SKIC2: variants seen among roughly 807,000 people sequenced by gnomAD.
SKIC2 encodes the protein superkiller complex protein 2.
At chr6:31,960,369 G>C in the SKIC2 span, 1 of 1,598,106 alleles carries the variant, frequency 6.3e-7, no homozygotes, top group South Asian at 1.1e-5. Flanking sequence ...GAAACAGTTG[G>C]GGAGAAGGGG....
the SKIC2 span, chr6:31,961,646 T>C: frequency 6.2e-7 from 1 of 1,612,932 alleles, no homozygotes; most frequent in Non-Finnish European, 8.5e-7. Flanking sequence ...TGGTGATTTC[T>C]ATCGCCTCAT....
chr6:31,967,092 A>G, the SKIC2 span: 5 of 1,612,876 alleles, frequency 3.1e-6, no homozygotes, highest in African/African-American at 6.7e-5. The surrounding 1 kb of genome is among the most constrained non-coding windows in gnomAD (Gnocchi z 4.9). Flanking sequence ...GACCTGCCTG[A>G]ATATTACAGC....
the SKIC2 span, chr6:31,963,761 C>A: frequency 6.5e-7 from 1 of 1,532,406 alleles, no homozygotes; most frequent in South Asian, 1.2e-5. This position sits in a 1 kb window ranked among gnomAD's most constrained non-coding sequence, Gnocchi z 5.3. Context: ...TTTGTACCTG[C>A]CAGCACCTGT....
chr6:31,964,032 T>C, the SKIC2 span: 2 of 1,612,694 alleles, frequency 1.2e-6, no homozygotes, highest in Non-Finnish European at 1.7e-6. This position sits in a 1 kb window ranked among gnomAD's most constrained non-coding sequence, Gnocchi z 5.0. Flanking sequence ...TCACCTCCCT[T>C]GACCTCACCA....
At chr6:31,968,986 C>T in the SKIC2 span, 1 of 1,612,910 alleles carries the variant, frequency 6.2e-7, no homozygotes, top group Non-Finnish European at 8.5e-7. This position sits in a 1 kb window ranked among gnomAD's most constrained non-coding sequence, Gnocchi z 6.1. Flanking sequence ...TTTGACAATG[C>T]ACTGAGCACC....
chr6:31,969,524 G>A, the SKIC2 span: 13 of 1,613,258 alleles, frequency 8.1e-6, no homozygotes, highest in Middle Eastern at 1.6e-4. This position sits in a 1 kb window ranked among gnomAD's most constrained non-coding sequence, Gnocchi z 6.1. Flanking sequence ...GCCCTTCTCC[G>A]AGTTGGCAGG....
At chr6:31,968,426 A>G in the SKIC2 span, 19 of 1,612,986 alleles carry the variant, frequency 1.2e-5, 1 homozygote, top group South Asian at 7.7e-5. The surrounding 1 kb of genome is among the most constrained non-coding windows in gnomAD (Gnocchi z 6.1). Context: ...GACCCTGTCA[A>G]TGACCTGCAG....
the SKIC2 span, chr6:31,967,684 C>A: frequency 3.2e-5 from 52 of 1,610,710 alleles, no homozygotes; most frequent in Admixed American, 3.0e-4. The surrounding 1 kb of genome is among the most constrained non-coding windows in gnomAD (Gnocchi z 4.9). Context: ...TCATCACACC[C>A]CCCTCTCCTG....
the SKIC2 span, chr6:31,966,887 G>A: frequency 6.2e-7 from 1 of 1,613,806 alleles, no homozygotes; most frequent in Admixed American, 1.7e-5. This position sits in a 1 kb window ranked among gnomAD's most constrained non-coding sequence, Gnocchi z 5.9. Flanking sequence ...GCAGGAGGTT[G>A]GCCAAAGACA....
the SKIC2 span, chr6:31,969,090 G>C: frequency 6.2e-7 from 1 of 1,609,614 alleles, no homozygotes; most frequent in Non-Finnish European, 8.5e-7. This position sits in a 1 kb window ranked among gnomAD's most constrained non-coding sequence, Gnocchi z 6.1. Flanking sequence ...CCTCAAGCAG[G>C]TAGGGGACAC....
the SKIC2 span, chr6:31,960,475 C>T: frequency 6.2e-7 from 1 of 1,614,208 alleles, no homozygotes; most frequent in Non-Finnish European, 8.5e-7. Context: ...ACCTCCTTGT[C>T]TCTTCGCCGG....
At chr6:31,967,998 T>C in the SKIC2 span, 4 of 1,613,088 alleles carry the variant, frequency 2.5e-6, no homozygotes, top group African/African-American at 4.0e-5. This position sits in a 1 kb window ranked among gnomAD's most constrained non-coding sequence, Gnocchi z 4.9. Flanking sequence ...CCAGGAGATA[T>C]GGCTGCCATC....
chr6:31,968,106 TCTC>T, the SKIC2 span: 2 of 1,612,112 alleles, frequency 1.2e-6, no homozygotes, highest in East Asian at 2.2e-5. The surrounding 1 kb of genome is among the most constrained non-coding windows in gnomAD (Gnocchi z 6.1). Flanking sequence ...GGGAGGCCCT[TCTC>T]CTCCAGAGGG....
the SKIC2 span, chr6:31,963,973 G>A: frequency 6.2e-7 from 1 of 1,612,426 alleles, no homozygotes; most frequent in Admixed American, 1.7e-5. The surrounding 1 kb of genome is among the most constrained non-coding windows in gnomAD (Gnocchi z 5.3). Flanking sequence ...GTTGCCCGTG[G>A]TGGTGTTCAC....
the SKIC2 span, chr6:31,961,986 T>C: frequency 6.2e-7 from 1 of 1,613,038 alleles, no homozygotes; most frequent in South Asian, 1.1e-5. Flanking sequence ...TTGTCGCAGC[T>C]CACACATCTG....
the SKIC2 span, chr6:31,966,104 T>A: frequency 2.4e-6 from 2 of 847,100 alleles, no homozygotes; most frequent in Non-Finnish European, 3.5e-6. This position sits in a 1 kb window ranked among gnomAD's most constrained non-coding sequence, Gnocchi z 5.9. Flanking sequence ...TCTTCTTCCT[T>A]TTTTTTTTGG....
the SKIC2 span, chr6:31,968,226 C>T: frequency 7.0e-7 from 1 of 1,429,574 alleles, no homozygotes; most frequent in Non-Finnish European, 9.7e-7. This position sits in a 1 kb window ranked among gnomAD's most constrained non-coding sequence, Gnocchi z 6.1. Flanking sequence ...CTAAGGGAGA[C>T]TGTGAAGTGG....
At chr6:31,969,556 C>A in the SKIC2 span, 5 of 1,613,924 alleles carry the variant, frequency 3.1e-6, no homozygotes, top group African/African-American at 1.3e-5. This position sits in a 1 kb window ranked among gnomAD's most constrained non-coding sequence, Gnocchi z 6.1. Flanking sequence ...CCCCTGAGGG[C>A]CTGGTGGTCC....
At chr6:31,968,286 A>G in the SKIC2 span, 1 of 1,526,068 alleles carries the variant, frequency 6.6e-7, no homozygotes, top group Non-Finnish European at 9.1e-7. This position sits in a 1 kb window ranked among gnomAD's most constrained non-coding sequence, Gnocchi z 6.1. Flanking sequence ...TCTGGGGGAG[A>G]GAAGATCTTA....
Sources: allele counts gnomAD v4.1 joint callset, GRCh38; gene constraint gnomAD v4.1.1; non-coding constraint Gnocchi (gnomAD v3.1); transcripts MANE v1.5; gene names NCBI Gene and HGNC (gene_info 2026-07-23, HGNC 2026-07-21).